The following SULF2 variants were observed in gnomAD, a reference collection of about 807,000 sequenced individuals.
SULF2 encodes sulfatase 2, also known as extracellular sulfatase Sulf-2.
In SULF2, 52 loss-of-function variants were observed where a neutral mutation model predicts 107.7. The ratio of observed to expected loss-of-function variants is 0.48; its 90% confidence interval spans 0.39 to 0.61. SULF2 has a LOEUF of 0.61. Ranked by LOEUF, SULF2 falls within the 20% of genes least tolerant of loss-of-function variation. The probability of loss-of-function intolerance (pLI) is 0.00; values close to 1 mark genes in which losing one functional copy is unlikely to be tolerated. For missense variants in SULF2, 993 were observed against 1,177.3 expected (o/e 0.84, Z 2.29); for synonymous variants, 460 against 464.3 (o/e 0.99, Z 0.12).
In SULF2 at chr20:47,678,653, C is replaced by T; in HGVS notation, c.1193+23G>A. The T allele has an allele frequency of 6.2e-7, 1 of 1,613,002 alleles. No individual in the cohort carries two copies. The highest frequency in any genetic ancestry group is 1.1e-5 in the South Asian group (1 of 91,016). On this transcript the variant is annotated intron_variant, in intron 8 of 20. Coordinates refer to ENST00000688720, the MANE Select transcript of SULF2 (RefSeq NM_001387048.1). The surrounding 1 kb of genome is among the most constrained non-coding windows in gnomAD (Gnocchi z 4.5). ...CAGGTCAATGTCCCGGCCCCCTCAACACCTGCCCTGCTCCGTCCTCACCGA... is the reference window on the plus strand; with the variant it reads ...CAGGTCAATGTCCCGGCCCCCTCAATACCTGCCCTGCTCCGTCCTCACCGA...
At chr20:47,721,969 G>C (rs558877870) in intron 3 of SULF2, among the ~76,000 whole-genome samples, 1 of 152,154 alleles carries the variant, frequency 6.6e-6, no homozygotes, top group Non-Finnish European at 1.5e-5. Context: ...GGAGCCCTTG[G>C]AAAGAGGCCT....
intron 2 of SULF2, among the ~76,000 whole-genome samples, chr20:47,746,657 AAAG>A (rs201399230): frequency 0.015 from 2,232 of 152,310 alleles, 64 homozygotes; most frequent in African/African-American, 0.051. Flanking sequence ...CACTTGGGCA[AAAG>A]AAGGATGAGT....
At chr20:47,669,589 T>C (rs1037300547) in intron 11 of SULF2, among the ~76,000 whole-genome samples, 6 of 151,710 alleles carry the variant, frequency 4.0e-5, no homozygotes, top group Admixed American at 2.0e-4. Flanking sequence ...GAGTGTCTTG[T>C]CGGAGACTCT....
At chr20:47,733,802 C>CA (rs1248419485) in intron 3 of SULF2, among the ~76,000 whole-genome samples, 1 of 152,128 alleles carries the variant, frequency 6.6e-6, no homozygotes, top group African/African-American at 2.4e-5. Context: ...TGTAACATAA[C>CA]AGAGTTATTC....
Position 47,692,045 on chromosome 20 carries a change from C to T in SULF2, c.568-1750G>A, listed in dbSNP as rs6094782. Among the ~76,000 whole-genome samples the T allele has an allele frequency of 3.6e-3, 545 of 152,166 alleles. 3 individuals carry two copies. The highest frequency in any genetic ancestry group is 5.5e-3 in the Non-Finnish European group (376 of 67,994). ...CCTCCCAAAGTGCTGGGATTACAGG[C>T]GTGAGCCACAGCACCCATACAACTC... On this transcript the variant is annotated intron_variant, in intron 4 of 20. Coordinates refer to ENST00000688720, the MANE Select transcript of SULF2 (RefSeq NM_001387048.1).
At chr20:47,672,986 C>G (rs2087527472) in intron 10 of SULF2, among the ~76,000 whole-genome samples, 1 of 152,330 alleles carries the variant, frequency 6.6e-6, no homozygotes, top group Middle Eastern at 3.4e-3. Context: ...CTCCCCTGAC[C>G]ACCTTCCCAG....
intron 3 of SULF2, among the ~76,000 whole-genome samples, chr20:47,726,485 G>T (rs180841288): frequency 5.3e-4 from 80 of 152,256 alleles, no homozygotes; most frequent in African/African-American, 1.9e-3. Context: ...CAAGTGCCGG[G>T]ATTACAGGCC....
At chr20:47,748,455 T>C (rs543910368) in intron 2 of SULF2, among the ~76,000 whole-genome samples, 2 of 152,304 alleles carry the variant, frequency 1.3e-5, no homozygotes, top group East Asian at 1.9e-4. Flanking sequence ...CCCACAAATA[T>C]CTCTTTCTCC....
intron 1 of SULF2, among the ~76,000 whole-genome samples, chr20:47,763,063 A>G (rs2090450328): frequency 6.6e-6 from 1 of 151,900 alleles, no homozygotes; most frequent in Non-Finnish European, 1.5e-5. Flanking sequence ...TTGGTAAAAT[A>G]TTCAAAGTGG....
At chr20:47,785,089 C>A (rs1310672816) in intron 1 of SULF2, among the ~76,000 whole-genome samples, 1 of 152,042 alleles carries the variant, frequency 6.6e-6, no homozygotes, top group Non-Finnish European at 1.5e-5. Context: ...GGGAAGTCCT[C>A]GCCCGCCCGC....
At chr20:47,686,896 C>T (rs1602644718) in intron 5 of SULF2, among the ~76,000 whole-genome samples, 1 of 152,280 alleles carries the variant, frequency 6.6e-6, no homozygotes, top group Middle Eastern at 3.4e-3. Context: ...CTCCTGTGGG[C>T]TGGCTCTGCT....
chr20:47,675,699 C>G lies in SULF2; in HGVS notation c.1380+795G>C, dbSNP rs555448658. Among the ~76,000 whole-genome samples the G allele has an allele frequency of 3.2e-4, 49 of 152,234 alleles. 1 individual carries two copies. In the South Asian group the frequency reaches 8.9e-3, roughly 28 times the overall value. On this transcript the variant is annotated intron_variant, in intron 10 of 20. Coordinates refer to ENST00000688720, the MANE Select transcript of SULF2 (RefSeq NM_001387048.1). ...GGGCAGGGACACACCTCCGGCACCC[C>G]TTGGGCCAGCCAAGGCAGAGTTTCC...
chr20:47,705,467 T>C (rs955820438), intron 3 of SULF2, among the ~76,000 whole-genome samples: 8 of 152,178 alleles, frequency 5.3e-5, no homozygotes, highest in Non-Finnish European at 1.0e-4. Context: ...GAGTAACTGA[T>C]GGAGTGGAGG....
At chr20:47,714,312 C>T (rs1419040103) in intron 3 of SULF2, among the ~76,000 whole-genome samples, 2 of 152,186 alleles carry the variant, frequency 1.3e-5, no homozygotes, top group Non-Finnish European at 2.9e-5. Context: ...GTCAAATCAG[C>T]ACTTCACACC....
At chr20:47,692,679 C>T (rs552642334) in intron 4 of SULF2, among the ~76,000 whole-genome samples, 4 of 152,080 alleles carry the variant, frequency 2.6e-5, no homozygotes, top group African/African-American at 7.2e-5. Context: ...AGCAAGTGGC[C>T]GCCCAGGCTG....
At chr20:47,689,234 C>G (rs2088115563) in intron 5 of SULF2, among the ~76,000 whole-genome samples, 1 of 152,208 alleles carries the variant, frequency 6.6e-6, no homozygotes, top group Non-Finnish European at 1.5e-5. Context: ...TCTCTACTTC[C>G]TGGCCTTCAC....
intron 5 of SULF2, among the ~76,000 whole-genome samples, chr20:47,688,103 G>A (rs1030297570): frequency 9.4e-5 from 14 of 149,570 alleles, no homozygotes; most frequent in Non-Finnish European, 3.0e-5. Flanking sequence ...TTTTGCCAGA[G>A]TACACAAGGC....
Position 47,657,480 on chromosome 20 carries a change from C to T in SULF2, c.*882G>A, listed in dbSNP as rs2086932246. On this transcript the variant is annotated 3_prime_UTR_variant, in exon 21 of 21. Transcript: ENST00000688720. ...GCTGGTCATTGGCTGGGGTTTTGAA[C>T]ACTGTATGACAATACTTAAACTACA... The T allele has an allele frequency of 6.6e-6, 1 of 152,104 alleles. No individual in the cohort carries two copies. The highest frequency in any genetic ancestry group is 1.5e-5 in the Non-Finnish European group (1 of 68,034). 9.4% of individuals were successfully genotyped at this position (152,104 alleles called of 1,614,324 possible). A position where few individuals can be genotyped will look rare whatever the true frequency, so the allele number is the denominator to read the frequency against.
At chr20:47,780,981 C>T (rs572637396) in intron 1 of SULF2, among the ~76,000 whole-genome samples, 1 of 152,330 alleles carries the variant, frequency 6.6e-6, no homozygotes, top group South Asian at 2.1e-4. Flanking sequence ...ATTGGTCATG[C>T]CCCCCAGCAT....
Sources: allele counts gnomAD v4.1 joint callset (sites outside exome capture counted in the v4.1 genomes callset), GRCh38; gene constraint gnomAD v4.1.1; non-coding constraint Gnocchi (gnomAD v3.1); transcripts MANE v1.5; gene names NCBI Gene and HGNC (gene_info 2026-07-23, HGNC 2026-07-21).